BAALC: variants seen among roughly 807,000 people sequenced by gnomAD.
The protein encoded by BAALC is brain and acute leukemia cytoplasmic protein.
In BAALC, 9 loss-of-function variants were observed where a neutral mutation model predicts 15.5. That is an observed-to-expected ratio of 0.58 (90% CI 0.35 to 1.02). The LOEUF (loss-of-function observed/expected upper bound fraction) is 1.02. Among genes scored for constraint, BAALC ranks in the 50% least tolerant of loss-of-function variants. BAALC has a pLI of 0.02. For missense variants in BAALC, 201 were observed against 192.4 expected, an observed-to-expected ratio of 1.04 and a Z score of -0.27; for synonymous variants, 80 against 74.6, an observed-to-expected ratio of 1.07 and a Z score of -0.37.
Position 103,195,185 on chromosome 8 carries a change from C to T in BAALC, c.161-17734C>T, listed in dbSNP as rs565547444. On this transcript the variant is annotated intron_variant, in intron 1 of 2. Transcript: ENST00000309982. ...TCATCAAATCTCCCCTTCCCAGCAG[C>T]GAAGTAGCCATCTGTGGCAAGAGGG... Among the ~76,000 whole-genome samples the T allele has an allele frequency of 7.2e-4, 110 of 152,148 alleles. 1 individual carries two copies. The highest frequency in any genetic ancestry group is 1.2e-3 in the Non-Finnish European group (85 of 68,006).
chr8:103,197,474 A>C (rs1471850270), intron 1 of BAALC, among the ~76,000 whole-genome samples: 1 of 152,192 alleles, frequency 6.6e-6, no homozygotes, highest in Non-Finnish European at 1.5e-5. Flanking sequence ...CTATCTTTGT[A>C]TGCTTAGGTC....
intron 1 of BAALC, among the ~76,000 whole-genome samples, chr8:103,178,846 G>C (rs974444748): frequency 1.4e-5 from 2 of 143,246 alleles, no homozygotes; most frequent in East Asian, 2.0e-4. Context: ...CTGGGATACA[G>C]AGTGAGACTC....
At chr8:103,187,142 T>A (rs188901809) in intron 1 of BAALC, among the ~76,000 whole-genome samples, 1 of 152,150 alleles carries the variant, frequency 6.6e-6, no homozygotes, top group Non-Finnish European at 1.5e-5. Context: ...TCCCATCCCA[T>A]ACACACACAC....
chr8:103,172,525 C>G (rs1190287351), intron 1 of BAALC, among the ~76,000 whole-genome samples: 2 of 151,952 alleles, frequency 1.3e-5, no homozygotes, highest in African/African-American at 4.8e-5. Flanking sequence ...CCTCAGCCTC[C>G]CGAGTAGCTG....
chr8:103,172,183 CCTT>C (rs1053250074), intron 1 of BAALC: 1 of 135,794 alleles, frequency 7.4e-6, no homozygotes, highest in African/African-American at 2.8e-5. Context: ...AACCTTGGGT[CCTT>C]TTTTTTTTAC....
intron 1 of BAALC, among the ~76,000 whole-genome samples, chr8:103,180,785 T>C (rs1291944370): frequency 2.6e-5 from 4 of 152,192 alleles, no homozygotes; most frequent in Non-Finnish European, 5.9e-5. Context: ...GCAATGATTG[T>C]GTGAAAATAG....
intron 1 of BAALC, among the ~76,000 whole-genome samples, chr8:103,171,281 GAA>G (rs1811480628): frequency 2.2e-5 from 3 of 135,368 alleles, no homozygotes; most frequent in Admixed American, 7.3e-5. Context: ...GAAAAAGAAA[GAA>G]AGAGAGAAGG....
At position 103,228,919 on chromosome 8, in the gene BAALC, A is replaced by ACTGT. The variant is rs1226298393; in HGVS notation, c.*823_*826dup. The ACTGT allele has an allele frequency of 6.6e-6, 1 of 152,216 alleles. No individual in the cohort carries two copies. The highest frequency in any genetic ancestry group is 2.4e-5 in the African/African-American group (1 of 41,410). The allele number at this position is 152,216 out of a possible 1,614,324, so 9.4% of individuals were successfully genotyped here. On this transcript the variant is annotated 3_prime_UTR_variant, in exon 3 of 3. Transcript: ENST00000309982. ...CCAGTTCCCTTTGCTTGTCTTCTTGACTGTCTTCCCTCTCTATCGGGGTCA... is the reference window on the plus strand; with the variant it reads ...CCAGTTCCCTTTGCTTGTCTTCTTGACTGTCTGTCTTCCCTCTCTATCGGGGTCA...
chr8:103,207,181 G>A (rs1241144267), intron 1 of BAALC, among the ~76,000 whole-genome samples: 1 of 152,104 alleles, frequency 6.6e-6, no homozygotes, highest in Non-Finnish European at 1.5e-5. Context: ...AGGTCCAGGG[G>A]AGGAAAAAAT....
chr8:103,198,062 AC>A, intron 1 of BAALC: 1 of 691,434 alleles, frequency 1.4e-6, no homozygotes, highest in Non-Finnish European at 2.6e-6. Flanking sequence ...TTTCTTACGA[AC>A]AACTATAATT....
At chr8:103,217,065 A>G (rs1165642356) in intron 2 of BAALC, among the ~76,000 whole-genome samples, 1 of 152,198 alleles carries the variant, frequency 6.6e-6, no homozygotes, top group African/African-American at 2.4e-5. Flanking sequence ...AGTGATGACC[A>G]CACACACCTG....
At chr8:103,180,458 C>T (rs949861470) in intron 1 of BAALC, among the ~76,000 whole-genome samples, 3 of 152,204 alleles carry the variant, frequency 2.0e-5, no homozygotes, top group Admixed American at 2.0e-4. Flanking sequence ...GAGCATGAAT[C>T]CAGGTCTGGC....
At chr8:103,141,109 T>C (rs897723710) in intron 1 of BAALC, 52 bp downstream of exon 1, 11 of 1,385,452 alleles carry the variant, frequency 7.9e-6, no homozygotes, top group South Asian at 6.8e-5. Flanking sequence ...CCCGGGCGCC[T>C]TGGCCCGGGC....
rs1012033316 is a variant in BAALC at position 103,150,345 on chromosome 8, GTGTGTGTC to G, written c.160+9304_160+9311del. On this transcript the variant is annotated intron_variant, in intron 1 of 2. Coordinates refer to ENST00000309982, the MANE Select transcript of BAALC (RefSeq NM_024812.3). ...TATAGAAACATGGCTGTGTGTGTGT[GTGTGTGTC>G]TGTGTGTCTGTGTGTATGGCTGGGT... 1.5e-4 allele frequency among the ~76,000 whole-genome samples: 22 copies of G among 151,224 alleles called. 1 individual carries two copies. The highest frequency in any genetic ancestry group is 3.4e-3 in the Middle Eastern group (1 of 294).
chr8:103,162,804 G>A (rs78893781), intron 1 of BAALC, among the ~76,000 whole-genome samples: 2 of 152,174 alleles, frequency 1.3e-5, no homozygotes, highest in South Asian at 2.1e-4. Context: ...AAGTTAGCCC[G>A]TCACAGTTTC....
chr8:103,193,331 C>T (rs1812016357), intron 1 of BAALC, among the ~76,000 whole-genome samples: 1 of 152,236 alleles, frequency 6.6e-6, no homozygotes, highest in Non-Finnish European at 1.5e-5. Flanking sequence ...CCCTTAGTAT[C>T]TGGATTTTAG....
chr8:103,168,295 C>T (rs747685447), intron 1 of BAALC, among the ~76,000 whole-genome samples: 4 of 152,096 alleles, frequency 2.6e-5, no homozygotes, highest in Non-Finnish European at 4.4e-5. Flanking sequence ...CTTGATGTTT[C>T]GGTCTAAGGC....
intron 1 of BAALC, among the ~76,000 whole-genome samples, chr8:103,156,263 AACAG>A (rs1811088694): frequency 6.6e-6 from 1 of 152,242 alleles, no homozygotes; most frequent in African/African-American, 2.4e-5. Context: ...TAGAATAACG[AACAG>A]ACAATGAATT....
chr8:103,221,087 C>T (rs1192512663), intron 2 of BAALC, among the ~76,000 whole-genome samples: 1 of 152,172 alleles, frequency 6.6e-6, no homozygotes, highest in Non-Finnish European at 1.5e-5. Context: ...GTCCCAACCT[C>T]CACAGGAAAT....
Sources: allele counts gnomAD v4.1 joint callset (sites outside exome capture counted in the v4.1 genomes callset), GRCh38; gene constraint gnomAD v4.1.1; transcripts MANE v1.5; gene names NCBI Gene and HGNC (gene_info 2026-07-23, HGNC 2026-07-21).